BRI3BP: variants seen among roughly 807,000 people sequenced by gnomAD.
The protein encoded by BRI3BP is BRI3-binding protein.
Under a neutral mutation model 15.8 loss-of-function variants are expected in BRI3BP, and 7 were observed. The ratio of observed to expected loss-of-function variants is 0.44; its 90% CI spans 0.25 to 0.83. The LOEUF is 0.83. Among genes scored for constraint, BRI3BP ranks in the 40% least tolerant of loss-of-function variants. The pLI is 0.20. For missense variants in BRI3BP, 320 were observed against 339.3 expected (o/e 0.94, Z 0.45); for synonymous variants, 192 against 163.5 (o/e 1.17, Z -1.33).
intron 1 of BRI3BP, among the ~76,000 whole-genome samples, chr12:124,999,649 CCTCT>C (rs1445563327): frequency 6.7e-6 from 1 of 149,346 alleles, no homozygotes; most frequent in Non-Finnish European, 1.5e-5. Flanking sequence ...ACGGAGTCTC[CCTCT>C]GTCGCCCAGG....
chr12:125,019,658 GC>G (rs1565906141), intron 2 of BRI3BP, among the ~76,000 whole-genome samples: 3 of 13,450 alleles, frequency 2.2e-4, no homozygotes, highest in African/African-American at 3.2e-4. Context: ...TTTTTTTTTT[GC>G]CTTTTTTGCT....
the BRI3BP span, among the ~76,000 whole-genome samples, chr12:125,046,302 C>A: frequency 6.6e-6 from 1 of 152,080 alleles, no homozygotes; most frequent in Non-Finnish European, 1.5e-5. Flanking sequence ...ACCTGTAATC[C>A]CAGCACTTTG....
the BRI3BP span, among the ~76,000 whole-genome samples, chr12:125,050,730 T>C: frequency 6.6e-6 from 1 of 152,192 alleles, no homozygotes; most frequent in African/African-American, 2.4e-5. Context: ...GAGTGGAGAA[T>C]GTGGGTGCTC....
chr12:125,022,440 C>T (rs1414853611), intron 2 of BRI3BP, among the ~76,000 whole-genome samples: 1 of 151,860 alleles, frequency 6.6e-6, no homozygotes, highest in African/African-American at 2.4e-5. Flanking sequence ...GTCGCTGGGT[C>T]CTGGTGAGGG....
intron 2 of BRI3BP, among the ~76,000 whole-genome samples, chr12:125,020,022 C>T (rs552469072): frequency 7.0e-6 from 1 of 143,240 alleles, no homozygotes; most frequent in African/African-American, 2.7e-5. Flanking sequence ...TGCAGTGGCG[C>T]AACCTCAGCC....
chr12:125,031,918 G>C (rs1244281742), downstream of BRI3BP, among the ~76,000 whole-genome samples: 1 of 152,166 alleles, frequency 6.6e-6, no homozygotes, highest in Admixed American at 6.6e-5. Flanking sequence ...TAACCCAAGA[G>C]TACTGCTCCT....
chr12:125,020,795 G>A (rs1044696121), intron 2 of BRI3BP, among the ~76,000 whole-genome samples: 2 of 152,118 alleles, frequency 1.3e-5, no homozygotes. Context: ...TGAGAGGATC[G>A]CTTGAGCCCA....
intron 1 of BRI3BP, among the ~76,000 whole-genome samples, chr12:124,997,214 C>CTCTTTTTTTTTTTTT (rs1335395514): frequency 2.3e-4 from 12 of 51,540 alleles, no homozygotes; most frequent in African/African-American, 1.2e-3. Context: ...CTTTACTTCT[C>CTCTTTTTTTTTTTTT]TTTTTTTTTT....
intron 2 of BRI3BP, among the ~76,000 whole-genome samples, 193 bp from the exon 3 acceptor site, chr12:125,024,798 C>CAA (rs1013068315): frequency 2.8e-4 from 43 of 151,496 alleles, no homozygotes; most frequent in African/African-American, 1.0e-3. Context: ...GACTCCATCT[C>CAA]AAAAAAAAGA....
At chr12:125,021,591 A>T (rs777790808) in intron 2 of BRI3BP, among the ~76,000 whole-genome samples, 32 of 152,190 alleles carry the variant, frequency 2.1e-4, no homozygotes, top group Non-Finnish European at 4.4e-4. Flanking sequence ...TGTAATTTAT[A>T]AATAAAAGAG....
At chr12:125,002,528 C>T (rs1478407052) in intron 1 of BRI3BP, among the ~76,000 whole-genome samples, 4 of 150,486 alleles carry the variant, frequency 2.7e-5, no homozygotes, top group African/African-American at 4.9e-5. Context: ...ACAATCTCTG[C>T]TCACTGCAAC....
At chr12:125,015,040 TG>T (rs1955231368) in intron 2 of BRI3BP, among the ~76,000 whole-genome samples, 1 of 152,100 alleles carries the variant, frequency 6.6e-6, no homozygotes, top group South Asian at 2.1e-4. Context: ...GTGCTGAGAT[TG>T]TAGGCGTGAG....
chr12:125,025,363 A>C lies in BRI3BP; in HGVS notation c.689A>C (p.Gln230Pro). 2 of 1,612,792 alleles carry C rather than the reference A, an allele frequency of 1.2e-6. No homozygotes were observed. The highest frequency in any genetic ancestry group is 1.7e-6 in the Non-Finnish European group (2 of 1,179,610). The change falls in exon 3 of 3, where the codon CAG becomes CCG. Residue 230 changes from glutamine to proline, a missense_variant. Gln to Pro is a moderately conservative substitution (Grantham distance 76). Transcript: ENST00000341446. ...VEEKLEHLEK[Q>P]VRLLNIRLNR... ...GAGAAGCTGGAGCACCTGGAGAAGC[A>C]GGTCAGACTGCTCAACATCCGTCTC... is the stretch of plus-strand genomic sequence containing the variant.
rs1280628373 is a variant in BRI3BP at position 125,031,113 on chromosome 12, A to G, written c.*5683A>G. 1.3e-5 allele frequency: 2 copies of G among 152,216 alleles called. No homozygotes were observed. The highest frequency in any genetic ancestry group is 3.8e-4 in the East Asian group (2 of 5,204). 9.4% of individuals were successfully genotyped at this position (152,216 alleles called of 1,614,324 possible). On this transcript the variant is annotated 3_prime_UTR_variant, in exon 3 of 3. Coordinates refer to ENST00000341446, the MANE Select transcript of BRI3BP (RefSeq NM_080626.6). ...TAAATCACTGGCTTTGGTGTTATGTAGAGATATTTGTAGATCTCAGAACAG... is the reference window on the plus strand; with the variant it reads ...TAAATCACTGGCTTTGGTGTTATGTGGAGATATTTGTAGATCTCAGAACAG...
At chr12:125,043,547 A>T in the BRI3BP span, among the ~76,000 whole-genome samples, 2 of 146,090 alleles carry the variant, frequency 1.4e-5, no homozygotes, top group African/African-American at 5.0e-5. Context: ...ATCTCTGCCA[A>T]TTTTTTTTTT....
chr12:125,024,901 C>G (rs1282118494), intron 2 of BRI3BP, 90 bp from the exon 3 acceptor site: 11 of 1,233,074 alleles, frequency 8.9e-6, no homozygotes, highest in African/African-American at 1.5e-5. Context: ...CTTTTAAGCC[C>G]CACAGGCCAG....
downstream of BRI3BP, among the ~76,000 whole-genome samples, chr12:125,034,738 T>C (rs1024688844): frequency 2.6e-4 from 39 of 152,062 alleles, 1 homozygote; most frequent in Non-Finnish European, 4.7e-4. Flanking sequence ...TACAGGCGCC[T>C]GCCACCACGC....
At chr12:125,013,259 C>A (rs565467063) in intron 2 of BRI3BP, among the ~76,000 whole-genome samples, 1 of 152,196 alleles carries the variant, frequency 6.6e-6, no homozygotes, top group Non-Finnish European at 1.5e-5. Flanking sequence ...GTTATTTAGG[C>A]AGAAGGGGAT....
chr12:125,006,582 G>A lies in BRI3BP; in HGVS notation c.214-5952G>A, dbSNP rs141922966. Among the ~76,000 whole-genome samples, 212 of 152,328 alleles carry A rather than the reference G, an allele frequency of 1.4e-3. 1 individual carries two copies. Among genetic ancestry groups the A allele is most frequent in the African/African-American group, 4.5e-3 (188 of 41,586 alleles). On this transcript the variant is annotated intron_variant, in intron 1 of 2. Transcript: ENST00000341446. ...GAGGTGACTGCTCAGCTTGCAGGGA[G>A]TTCCAGGTTGCCACCCTGCAACCCA...
Sources: gnomAD v4.1 joint callset for allele counts (sites outside exome capture counted in the v4.1 genomes callset) on GRCh38, gnomAD v4.1.1 for gene constraint, MANE v1.5 for transcripts, NCBI Gene and HGNC (gene_info 2026-07-23, HGNC 2026-07-21) for gene names.